TEC: variants seen among roughly 807,000 people sequenced by gnomAD.
The protein encoded by TEC is tec protein tyrosine kinase.
In TEC, 72 loss-of-function variants were observed where a neutral mutation model predicts 93.0. That is an observed-to-expected ratio of 0.77 (90% CI 0.64 to 0.94). The LOEUF is 0.94. Ranked by LOEUF, TEC falls within the 40% of genes least tolerant of loss-of-function variation. TEC has a pLI of 0.00. For missense variants in TEC, 630 were observed against 757.9 expected, an observed-to-expected ratio of 0.83 and a Z score of 1.98; for synonymous variants, 249 against 247.7, an observed-to-expected ratio of 1.01 and a Z score of -0.05.
At chr4:48,179,361 TATATATA>T (rs1721477723) in intron 2 of TEC, among the ~76,000 whole-genome samples, 5 of 44,022 alleles carry the variant, frequency 1.1e-4, no homozygotes, top group East Asian at 7.0e-4. Context: ...TATATATATA[TATATATA>T]TATATATATT....
chr4:48,205,883 A>G lies in TEC; in HGVS notation c.138+22594T>C, dbSNP rs1227247947. ...CATATGTCTACACAAAAACTTGTACATGAATATTCATATCGGTTCTATTTC... is the reference window on the plus strand; with the variant it reads ...CATATGTCTACACAAAAACTTGTACGTGAATATTCATATCGGTTCTATTTC... On this transcript the variant is annotated intron_variant, in intron 2 of 17. Coordinates refer to ENST00000381501, the MANE Select transcript of TEC (RefSeq NM_003215.3). Among the ~76,000 whole-genome samples, 16 of 152,344 alleles carry G rather than the reference A, an allele frequency of 1.1e-4. No homozygotes were observed. In the South Asian group the frequency reaches 1.4e-3, roughly 14 times the overall value.
At chr4:48,239,511 C>A (rs1560421944) in intron 1 of TEC, among the ~76,000 whole-genome samples, 1 of 152,116 alleles carries the variant, frequency 6.6e-6, no homozygotes, top group African/African-American at 2.4e-5. Flanking sequence ...AAACAAATTT[C>A]TCAGTGGGTA....
At chr4:48,264,641 A>ATTTT (rs33996960) in intron 1 of TEC, among the ~76,000 whole-genome samples, 2 of 145,134 alleles carry the variant, frequency 1.4e-5, no homozygotes, top group Non-Finnish European at 1.5e-5. Context: ...CATCTTCAGC[A>ATTTT]TTTTTTTTTT....
At chr4:48,249,351 TGATCC>T (rs1724142109) in intron 1 of TEC, among the ~76,000 whole-genome samples, 1 of 152,256 alleles carries the variant, frequency 6.6e-6, no homozygotes, top group Non-Finnish European at 1.5e-5. Context: ...ATCAGGAATA[TGATCC>T]TTGGTCTGTA....
At chr4:48,148,011 T>C (rs1405054675) in intron 11 of TEC, among the ~76,000 whole-genome samples, 7 of 152,180 alleles carry the variant, frequency 4.6e-5, no homozygotes, top group Non-Finnish European at 1.0e-4. Context: ...TAATTCCATT[T>C]ATATGAAATG....
intron 1 of TEC, among the ~76,000 whole-genome samples, chr4:48,265,276 A>G (rs1342717012): frequency 6.6e-6 from 1 of 151,636 alleles, no homozygotes; most frequent in African/African-American, 2.4e-5. Context: ...CAGTCATGAA[A>G]AACTTATTTT....
intron 8 of TEC, among the ~76,000 whole-genome samples, chr4:48,158,338 C>T (rs1720483242): frequency 6.6e-6 from 1 of 152,186 alleles, no homozygotes. Context: ...AGGTGTTGAA[C>T]CAGGCCTCAG....
intron 2 of TEC, among the ~76,000 whole-genome samples, chr4:48,195,365 G>A (rs1722263606): frequency 6.6e-6 from 1 of 151,760 alleles, no homozygotes; most frequent in African/African-American, 2.4e-5. Flanking sequence ...TTTTTTTTGA[G>A]AATAGAAAAA....
intron 14 of TEC, chr4:48,141,664 T>TA: frequency 1.4e-5 from 5 of 359,848 alleles, no homozygotes; most frequent in Non-Finnish European, 1.9e-5. Flanking sequence ...TTACCAATTG[T>TA]CTTTTTTTTT....
intron 1 of TEC, among the ~76,000 whole-genome samples, chr4:48,232,017 G>A (rs545281755): frequency 3.4e-4 from 52 of 152,142 alleles, no homozygotes; most frequent in African/African-American, 9.9e-4. Flanking sequence ...GTCCATGTGC[G>A]GTGGCTCATG....
chr4:48,204,942 A>G (rs867523264), intron 2 of TEC, among the ~76,000 whole-genome samples: 1 of 152,082 alleles, frequency 6.6e-6, no homozygotes, highest in African/African-American at 2.4e-5. Context: ...GCAAATCATC[A>G]AACCTGGCGG....
Position 48,150,954 on chromosome 4 carries a change from G to A in TEC, c.793-12C>T. On this transcript the variant is annotated splice_polypyrimidine_tract_variant and intron_variant, in intron 9 of 17. Transcript: ENST00000381501. ...CCACCTTCTTTATCCTAAAATCCAA[G>A]TTCAGAAAAAATTTTTTTTACTCTA... The A allele has an allele frequency of 3.8e-6, 6 of 1,564,064 alleles. No homozygotes were observed. Among genetic ancestry groups the A allele is most frequent in the Non-Finnish European group, 5.2e-6 (6 of 1,157,910 alleles).
chr4:48,220,524 A>G (rs944318921), intron 2 of TEC, among the ~76,000 whole-genome samples: 4 of 152,026 alleles, frequency 2.6e-5, no homozygotes. Context: ...ATCATGGAAT[A>G]CACCAGGTCC....
chr4:48,248,827 C>T (rs1724127002), intron 1 of TEC, among the ~76,000 whole-genome samples: 1 of 151,524 alleles, frequency 6.6e-6, no homozygotes, highest in Non-Finnish European at 1.5e-5. Context: ...TTCATCTGCA[C>T]TCTTTACATT....
At chr4:48,200,116 T>C (rs1179931557) in intron 2 of TEC, among the ~76,000 whole-genome samples, 1 of 152,150 alleles carries the variant, frequency 6.6e-6, no homozygotes, top group African/African-American at 2.4e-5. Context: ...ACAGCAAATA[T>C]ACCAAGGAAG....
chr4:48,201,001 C>T (rs1271641412), intron 2 of TEC, among the ~76,000 whole-genome samples: 1 of 152,198 alleles, frequency 6.6e-6, no homozygotes, highest in African/African-American at 2.4e-5. Context: ...GTGTGTGGTA[C>T]ATAGCATAAC....
chr4:48,220,125 G>A (rs1723210140), intron 2 of TEC, among the ~76,000 whole-genome samples: 1 of 146,602 alleles, frequency 6.8e-6, no homozygotes, highest in Non-Finnish European at 1.5e-5. Context: ...GAGATGGGGA[G>A]ATGGGGAGAA....
chr4:48,268,791 A>G (rs1724706079), intron 1 of TEC, among the ~76,000 whole-genome samples: 1 of 152,218 alleles, frequency 6.6e-6, no homozygotes, highest in Non-Finnish European at 1.5e-5. Context: ...ACTATTTTGG[A>G]TAATCTTCAA....
At chr4:48,172,397 G>T (rs1411824175) in intron 3 of TEC, among the ~76,000 whole-genome samples, 1 of 151,874 alleles carries the variant, frequency 6.6e-6, no homozygotes, top group Non-Finnish European at 1.5e-5. Context: ...ATATTCAATA[G>T]AGAATTCCTT....
Sources: allele counts gnomAD v4.1 joint callset (sites outside exome capture counted in the v4.1 genomes callset), GRCh38; gene constraint gnomAD v4.1.1; transcripts MANE v1.5; gene names NCBI Gene and HGNC (gene_info 2026-07-23, HGNC 2026-07-21).